IMMP1L: variants seen among roughly 807,000 people sequenced by gnomAD.
IMMP1L encodes the protein mitochondrial inner membrane protease subunit 1.
IMMP1L carries 24 observed loss-of-function variants against 21.8 expected under a neutral mutation model. The ratio of observed to expected loss-of-function variants is 1.10; its 90% CI spans 0.80 to 1.55. The LOEUF (loss-of-function observed/expected upper bound fraction) is 1.55, where lower values mean the gene tolerates loss of function less well. Ranked by LOEUF, IMMP1L falls within the 40% of genes most tolerant of loss-of-function variation. The probability of loss-of-function intolerance (pLI) is 0.00; values close to 1 mark genes in which losing one functional copy is unlikely to be tolerated. For synonymous variants in IMMP1L, 46 were observed against 62.8 expected (o/e 0.73, Z 1.26); for missense variants, 195 against 200.7 (o/e 0.97, Z 0.17).
At chr11:31,489,640 C>T (rs1205029580) in intron 1 of IMMP1L, among the ~76,000 whole-genome samples, 2 of 152,182 alleles carry the variant, frequency 1.3e-5, no homozygotes, top group African/African-American at 4.8e-5. Flanking sequence ...ACACATTTCA[C>T]TTTTCTGATA....
chr11:31,436,633 T>A (rs1953130579), intron 4 of IMMP1L, among the ~76,000 whole-genome samples: 1 of 152,080 alleles, frequency 6.6e-6, no homozygotes, highest in South Asian at 2.1e-4. Flanking sequence ...GGTTTCACCA[T>A]GTTGGCCAGG....
At chr11:31,483,153 G>A (rs895734845) in intron 1 of IMMP1L, among the ~76,000 whole-genome samples, 2 of 151,948 alleles carry the variant, frequency 1.3e-5, no homozygotes, top group African/African-American at 4.8e-5. Context: ...CTTGTTGGGG[G>A]AGGGGGCACA....
At chr11:31,461,443 G>A (rs1443665942) in intron 2 of IMMP1L, among the ~76,000 whole-genome samples, 1 of 152,088 alleles carries the variant, frequency 6.6e-6, no homozygotes, top group Non-Finnish European at 1.5e-5. Flanking sequence ...TTTCCTATTT[G>A]TATGTCTCAA....
At position 31,433,490 on chromosome 11, in the gene IMMP1L, A is replaced by G. The variant is rs768404781; in HGVS notation, c.402T>C (p.Tyr134=). Residue 134 remains tyrosine, a synonymous_variant, in exon 5 of 6, where the codon TAT becomes TAC. Coordinates refer to ENST00000532287, the MANE Select transcript of IMMP1L (RefSeq NM_001304274.2). The part of the protein sequence containing the change: ...TDSRCYGPIP[Y]GLIRGRIFFK... ...AGAAGATTCGTCCTCTTATTAGTCC[A>G]TATGGAATAGGTCCATAGCACCTGG... 6 of 1,605,216 alleles carry G rather than the reference A, an allele frequency of 3.7e-6. No homozygotes were observed. The African/African-American group carries it at 4.0e-5, about 11-fold the overall frequency.
intron 4 of IMMP1L, among the ~76,000 whole-genome samples, chr11:31,447,159 C>T (rs769073027): frequency 6.6e-6 from 1 of 152,188 alleles, no homozygotes; most frequent in Non-Finnish European, 1.5e-5. Flanking sequence ...AATGAATGCA[C>T]ACATCGAAAA....
rs770112359 is a variant in IMMP1L, at chr11:31,460,645, G to A, written c.175C>T (p.His59Tyr). 6.2e-7 allele frequency: 1 copy of A among 1,605,888 alleles called. No homozygotes were observed. Among genetic ancestry groups the A allele is most frequent in the Non-Finnish European group, 8.5e-7 (1 of 1,172,978 alleles). The change falls in exon 3 of 6, where the codon CAT becomes TAT. Residue 59 changes from histidine (H) to tyrosine (Y), a missense_variant. Transcript: ENST00000532287. The stretch of plus-strand genomic sequence containing the variant: ...ATTTACCTTTGGATACCATAAAAAT[G>A]TCGACTAAGATTTTCTGCAAAGACA... ...DIVFAENLSR[H>Y]FYGIQRGDIV...
At chr11:31,493,621 A>C (rs1955328931) in intron 1 of IMMP1L, among the ~76,000 whole-genome samples, 1 of 152,212 alleles carries the variant, frequency 6.6e-6, no homozygotes, top group Non-Finnish European at 1.5e-5. Context: ...TCATTCCAGA[A>C]TTAACCCAAA....
In IMMP1L at chr11:31,437,468, G is replaced by A. The variant is rs960832278; in HGVS notation, c.322-3898C>T. 3.3e-5 allele frequency among the ~76,000 whole-genome samples: 5 copies of A among 151,984 alleles called. 1 individual carries two copies. The East Asian group carries it at 5.8e-4, about 18-fold the overall frequency. Reference sequence around the variant, plus strand: ...ATTGGATTTCGCATATTCAGATTAGGGATGCTCAACCCATACTCAGTTTAC... The same window carrying A: ...ATTGGATTTCGCATATTCAGATTAGAGATGCTCAACCCATACTCAGTTTAC... On this transcript the variant is annotated intron_variant, in intron 4 of 5. Transcript: ENST00000532287.
intron 1 of IMMP1L, among the ~76,000 whole-genome samples, chr11:31,504,241 A>G (rs1229738269): frequency 6.6e-6 from 1 of 152,244 alleles, no homozygotes; most frequent in Non-Finnish European, 1.5e-5. Context: ...TTTGACTGAA[A>G]TCAAAAGATA....
chr11:31,480,494 A>G (rs1348962745), intron 1 of IMMP1L, among the ~76,000 whole-genome samples: 1 of 152,054 alleles, frequency 6.6e-6, no homozygotes, highest in Admixed American at 6.6e-5. Flanking sequence ...TATCTTTGTC[A>G]CACACTGGAA....
chr11:31,496,669 A>C (rs189293577), intron 1 of IMMP1L, among the ~76,000 whole-genome samples: 28 of 150,764 alleles, frequency 1.9e-4, no homozygotes, highest in Admixed American at 4.0e-4. Flanking sequence ...TATATATGTT[A>C]TAACTTTTTA....
intron 4 of IMMP1L, among the ~76,000 whole-genome samples, chr11:31,436,455 C>T (rs754979676): frequency 4.6e-5 from 7 of 152,052 alleles, no homozygotes; most frequent in Non-Finnish European, 8.8e-5. Context: ...TTTTTTGAGA[C>T]GGAGTCTTGC....
chr11:31,501,026 A>G (rs1262846381), intron 1 of IMMP1L, among the ~76,000 whole-genome samples: 1 of 152,226 alleles, frequency 6.6e-6, no homozygotes, highest in African/African-American at 2.4e-5. Context: ...CTAAAATTAA[A>G]TAAGATTAAA....
chr11:31,477,935 T>C (rs962145733), intron 1 of IMMP1L, among the ~76,000 whole-genome samples: 8 of 152,308 alleles, frequency 5.3e-5, no homozygotes, highest in South Asian at 2.1e-4. Flanking sequence ...AGGGACCTCA[T>C]GTTGGTCTTG....
chr11:31,439,597 G>C (rs1322660453), intron 4 of IMMP1L, among the ~76,000 whole-genome samples: 1 of 152,038 alleles, frequency 6.6e-6, no homozygotes, highest in African/African-American at 2.4e-5. Flanking sequence ...CACATATCTG[G>C]TAATTTCTGA....
intron 1 of IMMP1L, among the ~76,000 whole-genome samples, chr11:31,487,417 CA>C (rs1240335439): frequency 6.6e-6 from 1 of 151,980 alleles, no homozygotes; most frequent in African/African-American, 2.4e-5. Context: ...TGCTGCATTT[CA>C]AAAAATACAA....
intron 1 of IMMP1L, among the ~76,000 whole-genome samples, chr11:31,505,865 T>C (rs1442801483): frequency 1.3e-5 from 2 of 152,242 alleles, no homozygotes; most frequent in East Asian, 3.8e-4. Flanking sequence ...TTTCTCTAGC[T>C]TACTTTATGG....
chr11:31,459,579 C>T (rs2133649929), intron 3 of IMMP1L, among the ~76,000 whole-genome samples: 1 of 152,138 alleles, frequency 6.6e-6, no homozygotes, highest in Non-Finnish European at 1.5e-5. Context: ...AGGATTGGAA[C>T]CACCACTTGA....
intron 4 of IMMP1L, chr11:31,453,063 C>G (rs949703719): frequency 7.8e-7 from 1 of 1,288,890 alleles, no homozygotes; most frequent in African/African-American, 1.5e-5. Flanking sequence ...GCAACAGCAT[C>G]TTAATAGGAA....
Sources: gnomAD v4.1 joint callset for allele counts (sites outside exome capture counted in the v4.1 genomes callset) on GRCh38, gnomAD v4.1.1 for gene constraint, MANE v1.5 for transcripts, NCBI Gene and HGNC (gene_info 2026-07-23, HGNC 2026-07-21) for gene names.